Variants in COIL observed in about 807,000 individuals in gnomAD.
COIL encodes the protein coilin p80.
In COIL, 28 loss-of-function variants were observed where a neutral mutation model predicts 51.6. That is an observed-to-expected ratio of 0.54 (90% CI 0.40 to 0.74). The LOEUF is 0.74. Among genes scored for constraint, COIL ranks in the 30% least tolerant of loss-of-function variants. The probability of loss-of-function intolerance (pLI) is 0.00; values close to 1 mark genes in which losing one functional copy is unlikely to be tolerated. For missense variants in COIL, 667 were observed against 685.9 expected, an observed-to-expected ratio of 0.97 and a Z score of 0.31; for synonymous variants, 233 against 255.8, an observed-to-expected ratio of 0.91 and a Z score of 0.85.
At chr17:56,952,423 C>A in intron 1 of COIL, 1 of 363,584 alleles carries the variant, frequency 2.8e-6, no homozygotes, top group South Asian at 2.2e-5. Context: ...TACGTATTTA[C>A]AAATATATTG....
chr17:56,945,630 G>T (rs1910233471), intron 5 of COIL, among the ~76,000 whole-genome samples: 1 of 152,174 alleles, frequency 6.6e-6, no homozygotes, highest in Non-Finnish European at 1.5e-5. Context: ...AGCTGAGTAG[G>T]TCTTATGAGT....
chr17:56,954,539 G>A (rs1487978543), intron 1 of COIL, among the ~76,000 whole-genome samples: 3 of 151,376 alleles, frequency 2.0e-5, no homozygotes, highest in South Asian at 4.2e-4. Context: ...CCAGCCTGGC[G>A]ACAGATAGAG....
chr17:56,942,690 A>G (rs148783301), intron 5 of COIL, among the ~76,000 whole-genome samples: 2 of 152,130 alleles, frequency 1.3e-5, no homozygotes, highest in East Asian at 3.9e-4. Flanking sequence ...TAATTTTTGT[A>G]TTTTTAGTTG....
chr17:56,945,317 G>A lies in COIL; in HGVS notation c.1558+1125C>T, dbSNP rs554668071. Among the ~76,000 whole-genome samples, 89 of 152,082 alleles carry A rather than the reference G, an allele frequency of 5.9e-4. 1 individual carries two copies. Among genetic ancestry groups the A allele is most frequent in the African/African-American group, 2.1e-3 (89 of 41,468 alleles). ...TGTGCCACCACACTCCAGCCTGGGC[G>A]ATAGAGTGAGACTCTGTCAAAAAAA... On this transcript the variant is annotated intron_variant, in intron 5 of 6. Transcript: ENST00000240316.
intron 1 of COIL, 84 bp downstream of exon 1, chr17:56,960,691 G>T: frequency 2.2e-6 from 2 of 908,688 alleles, no homozygotes; most frequent in Non-Finnish European, 3.0e-6. Flanking sequence ...CCACTACCAG[G>T]TCTAGCGGCT....
Position 56,960,911 on chromosome 17 carries a change from C to G in COIL, c.109G>C (p.Val37Leu), listed in dbSNP as rs896130339. Residue 37 changes from valine (V) to leucine (L), a missense_variant, in exon 1 of 7, where the codon GTC (valine) becomes CTC (leucine). Transcript: ENST00000240316. ...ATGAGACTAATGAGATCTGTGACGA[C>G]TCGGCATCTGTTCAAGTCGACCAGA... Reference protein sequence around the residue: ...WLLVDLNRCRVVTDLISLIRQ... With the variant: ...WLLVDLNRCRLVTDLISLIRQ... 2 of 1,614,114 alleles carry G rather than the reference C, an allele frequency of 1.2e-6. No individual in the cohort carries two copies. The highest frequency in any genetic ancestry group is 2.7e-5 in the African/African-American group (2 of 74,952).
chr17:56,961,039 A>T lies in COIL; in HGVS notation c.-20T>A. Reference sequence around the variant, plus strand: ...TGCCATCTTGCTTGGTGCTCAACGGAAGCCGAGAGATACCACGGGGCCACC... The same window carrying T: ...TGCCATCTTGCTTGGTGCTCAACGGTAGCCGAGAGATACCACGGGGCCACC... On this transcript the variant is annotated 5_prime_UTR_variant, in exon 1 of 7. Transcript: ENST00000240316. The T allele has an allele frequency of 6.2e-7, 1 of 1,609,892 alleles. No individual in the cohort carries two copies. Among genetic ancestry groups the T allele is most frequent in the Admixed American group, 1.7e-5 (1 of 59,866 alleles).
chr17:56,941,936 C>A (rs1910156304), intron 6 of COIL, 99 bp downstream of exon 6: 1 of 951,096 alleles, frequency 1.1e-6, no homozygotes, highest in Non-Finnish European at 1.7e-6. Flanking sequence ...AGGTCAGATT[C>A]CCCCCAGGGC....
intron 1 of COIL, chr17:56,951,842 C>T (rs1910378193): frequency 6.6e-6 from 1 of 151,634 alleles, no homozygotes; most frequent in African/African-American, 2.4e-5. Flanking sequence ...CTCCGTCACC[C>T]AGGCCAAAGT....
At chr17:56,955,238 G>A (rs1227407403) in intron 1 of COIL, among the ~76,000 whole-genome samples, 1 of 152,206 alleles carries the variant, frequency 6.6e-6, no homozygotes, top group South Asian at 2.1e-4. Flanking sequence ...CTAACTTTTT[G>A]TATTTTTAGT....
chr17:56,949,659 T>C lies in COIL; in HGVS notation c.1440+22A>G, dbSNP rs568606272. ...GAAGGGGAATGAACCTTTTTTGCTG[T>C]GACTGTTCTTTTGAAATATACCTTA... On this transcript the variant is annotated intron_variant, in intron 3 of 6. Coordinates refer to ENST00000240316, the MANE Select transcript of COIL (RefSeq NM_004645.3). The C allele has an allele frequency of 2.7e-4, 427 of 1,599,654 alleles. 4 individuals are homozygous for C. The South Asian group carries it at 4.5e-3, about 17-fold the overall frequency.
chr17:56,942,022 G>C lies in COIL; in HGVS notation c.1647+13C>G. On this transcript the variant is annotated intron_variant, in intron 6 of 6. Coordinates refer to ENST00000240316, the MANE Select transcript of COIL (RefSeq NM_004645.3). ...CGAATGGCCAAGCAACGCAAGAAGA[G>C]AAGCACACCTACCTTGCTCTCCTGT... 6.2e-7 allele frequency: 1 copy of C among 1,608,108 alleles called. No individual in the cohort carries two copies. The highest frequency in any genetic ancestry group is 8.5e-7 in the Non-Finnish European group (1 of 1,174,574).
Position 56,950,906 on chromosome 17 carries a change from C to T in COIL, c.336G>A (p.Arg112=). 6.2e-7 allele frequency: 1 copy of T among 1,613,776 alleles called. No homozygotes were observed. The highest frequency in any genetic ancestry group is 8.5e-7 in the Non-Finnish European group (1 of 1,180,020). ...INLSLRKAKK[R]AFQLEEGEET... ...CTTCACCCTCCTCTAACTGAAATGC[C>T]CGCTTCTTTGCTTTTCTAAGAGATA... The change falls in exon 2 of 7, where the codon CGG becomes CGA. Residue 112 remains arginine, a synonymous_variant. Coordinates refer to ENST00000240316, the MANE Select transcript of COIL (RefSeq NM_004645.3).
Position 56,950,251 on chromosome 17 carries a change from A to G in COIL, c.991T>C (p.Ser331Pro), listed in dbSNP as rs779492048. 1.2e-6 allele frequency: 2 copies of G among 1,614,202 alleles called. No individual in the cohort carries two copies. Among genetic ancestry groups the G allele is most frequent in the Non-Finnish European group, 1.7e-6 (2 of 1,180,036 alleles). Residue 331 changes from serine to proline, a missense_variant, in exon 2 of 7, where the codon TCG (serine) becomes CCG (proline). Coordinates refer to ENST00000240316, the MANE Select transcript of COIL (RefSeq NM_004645.3). ...CCCGCAGCACACTCCGGGGTGCTCG[A>G]TGACATCAAGCATTGGTCGTCTGAC... ...AESDDQCLMSSSTPECAAGFL... is the reference protein window; with the variant it reads ...AESDDQCLMSPSTPECAAGFL...
Position 56,950,481 on chromosome 17 carries a change from T to C in COIL, c.761A>G (p.Asp254Gly). 1.2e-6 allele frequency: 2 copies of C among 1,614,220 alleles called. No individual in the cohort carries two copies. The highest frequency in any genetic ancestry group is 1.7e-6 in the Non-Finnish European group (2 of 1,180,038). Residue 254 changes from aspartate to glycine, a missense_variant, in exon 2 of 7, where the codon GAT becomes GGT. Coordinates refer to ENST00000240316, the MANE Select transcript of COIL (RefSeq NM_004645.3). ...GCTGGGACCATCACTGATAGATTCATCACAAGATTCAGACTCCGAGGAGGA... is the reference window on the plus strand; with the variant it reads ...GCTGGGACCATCACTGATAGATTCACCACAAGATTCAGACTCCGAGGAGGA... Reference protein sequence around the residue: ...PSSSSESESCDESISDGPSKV... With the variant: ...PSSSSESESCGESISDGPSKV...
intron 1 of COIL, among the ~76,000 whole-genome samples, chr17:56,959,353 G>T (rs1488698387): frequency 6.9e-6 from 1 of 145,322 alleles, no homozygotes; most frequent in East Asian, 2.0e-4. Context: ...ATTTAAAAAA[G>T]AAAAAAAAAA....
intron 1 of COIL, among the ~76,000 whole-genome samples, chr17:56,960,013 C>T (rs1432553688): frequency 6.6e-6 from 1 of 152,136 alleles, no homozygotes; most frequent in Non-Finnish European, 1.5e-5. Context: ...GAGTTCAAGA[C>T]CAGCCTGGCC....
Position 56,951,355 on chromosome 17 carries a change from C to T in COIL, c.246-359G>A, listed in dbSNP as rs563503939. The T allele has an allele frequency of 3.9e-5, 7 of 180,180 alleles. No homozygotes were observed. The South Asian group carries it at 1.1e-3, about 29-fold the overall frequency. 11.2% of individuals were successfully genotyped at this position (180,180 alleles called of 1,614,324 possible). A position where few individuals can be genotyped will look rare whatever the true frequency, so the allele number is the denominator to read the frequency against. On this transcript the variant is annotated intron_variant, in intron 1 of 6. Coordinates refer to ENST00000240316, the MANE Select transcript of COIL (RefSeq NM_004645.3). ...ATCTAGAGCTGATAAGTAGCAGAAA[C>T]GCAATTCAAACTTCAGTTTGTCTAA...
intron 5 of COIL, among the ~76,000 whole-genome samples, chr17:56,943,991 A>C (rs1226667592): frequency 1.2e-4 from 18 of 151,258 alleles, no homozygotes. Flanking sequence ...TCAGCCTCTC[A>C]AGTAGCGAGG....
Sources: gnomAD v4.1 joint callset for allele counts (sites outside exome capture counted in the v4.1 genomes callset) on GRCh38, gnomAD v4.1.1 for gene constraint, MANE v1.5 for transcripts, NCBI Gene and HGNC (gene_info 2026-07-23, HGNC 2026-07-21) for gene names.